The following ANXA8 variants were observed in gnomAD, a reference collection of about 807,000 sequenced individuals.
The protein encoded by ANXA8 is VAC-beta.
ANXA8 carries 9 observed loss-of-function variants against 26.8 expected under a neutral mutation model. That is an observed-to-expected ratio of 0.34 (90% CI 0.20 to 0.59). ANXA8 has a LOEUF of 0.59. Among genes scored for constraint, ANXA8 ranks in the 20% least tolerant of loss-of-function variants. The pLI, the probability that ANXA8 is intolerant of heterozygous loss-of-function variation, is 0.84. For missense variants in ANXA8, 83 were observed against 238.5 expected (o/e 0.35, Z 4.29); for synonymous variants, 39 against 94.8 (o/e 0.41, Z 3.42).
chr10:47,715,894 T>C, the ANXA8 span: 1 of 717,972 alleles, frequency 1.4e-6, no homozygotes, highest in Non-Finnish European at 2.3e-6. Context: ...GCTATTTTTA[T>C]TTCTTTTGAA....
At chr10:47,645,912 T>C in the ANXA8 span, among the ~76,000 whole-genome samples, 7 of 149,702 alleles carry the variant, frequency 4.7e-5, no homozygotes, top group South Asian at 1.5e-3. Flanking sequence ...CTCAGACTTT[T>C]GGGCTTAGGT....
the ANXA8 span, among the ~76,000 whole-genome samples, chr10:47,547,316 C>G: frequency 7.1e-6 from 1 of 140,402 alleles, no homozygotes; most frequent in African/African-American, 2.6e-5. Flanking sequence ...ACTGATTATA[C>G]ACCTTCAAGA....
At chr10:47,955,899 C>T in the ANXA8 span, 1 of 135,784 alleles carries the variant, frequency 7.4e-6, no homozygotes, top group Non-Finnish European at 1.5e-5. Flanking sequence ...GCTTAAGACA[C>T]ACGTTGTATA....
At chr10:47,952,849 C>T in the ANXA8 span, among the ~76,000 whole-genome samples, 3 of 148,992 alleles carry the variant, frequency 2.0e-5, no homozygotes, top group Admixed American at 1.3e-4. Context: ...ATGTTGATTC[C>T]TAACAAAGTT....
the ANXA8 span, among the ~76,000 whole-genome samples, chr10:47,958,795 C>G: frequency 6.0e-5 from 9 of 149,152 alleles, no homozygotes; most frequent in Non-Finnish European, 8.9e-5. Flanking sequence ...TGAGTGTTAG[C>G]AGGAGAAATG....
the ANXA8 span, among the ~76,000 whole-genome samples, chr10:47,960,032 G>T: frequency 6.8e-6 from 1 of 147,960 alleles, no homozygotes; most frequent in Non-Finnish European, 1.5e-5. Flanking sequence ...TCGGGCCTTT[G>T]GATGACTCAG....
chr10:47,704,348 C>A, the ANXA8 span, among the ~76,000 whole-genome samples: 1 of 142,330 alleles, frequency 7.0e-6, no homozygotes, highest in South Asian at 2.3e-4. Flanking sequence ...ACAAAGAAAG[C>A]TTTTGATAAA....
At chr10:47,487,217 T>A, upstream of ANXA8, 1 of 1,010,924 alleles carries the variant, frequency 9.9e-7, no homozygotes, top group South Asian at 1.6e-5. Context: ...CAGCGCTCAA[T>A]GTACACATGT....
chr10:47,720,414 T>C, the ANXA8 span, among the ~76,000 whole-genome samples: 5 of 147,034 alleles, frequency 3.4e-5, no homozygotes, highest in South Asian at 2.1e-4. Flanking sequence ...GCTAAAAGTA[T>C]CATATGATGT....
At chr10:47,733,186 TTTC>T in the ANXA8 span, among the ~76,000 whole-genome samples, 1 of 113,738 alleles carries the variant, frequency 8.8e-6, no homozygotes, top group Non-Finnish European at 2.0e-5. Flanking sequence ...TCTTTCTTTC[TTTC>T]TTTCTTTCTT....
the ANXA8 span, among the ~76,000 whole-genome samples, chr10:47,942,837 G>A: frequency 2.1e-5 from 3 of 145,726 alleles, no homozygotes; most frequent in African/African-American, 8.0e-5. Context: ...TGCTAAGGCA[G>A]AGGGAGCCTT....
the ANXA8 span, among the ~76,000 whole-genome samples, chr10:47,596,505 A>T: frequency 6.8e-6 from 1 of 147,574 alleles, no homozygotes; most frequent in African/African-American, 2.6e-5. Flanking sequence ...GGTTCTTTGA[A>T]AGTGTAACCA....
the ANXA8 span, among the ~76,000 whole-genome samples, chr10:47,654,260 A>C: frequency 6.8e-6 from 1 of 146,050 alleles, no homozygotes; most frequent in Non-Finnish European, 1.5e-5. Context: ...TAGTTTTCTG[A>C]AAGTTTTACT....
chr10:47,488,847 C>T (rs1416431526), upstream of ANXA8, among the ~76,000 whole-genome samples: 1 of 145,038 alleles, frequency 6.9e-6, no homozygotes, highest in African/African-American at 2.6e-5. Flanking sequence ...CCTGCCTCAG[C>T]CTCCCGAGTA....
the ANXA8 span, among the ~76,000 whole-genome samples, chr10:47,695,692 C>T: frequency 3.4e-4 from 52 of 151,818 alleles, no homozygotes; most frequent in African/African-American, 8.0e-4. Flanking sequence ...TGTTAATATA[C>T]GTTTATACCT....
chr10:47,481,790 G>A (rs1485003680), intron 1 of ANXA8, among the ~76,000 whole-genome samples: 8,617 of 90,602 alleles, frequency 0.095, no homozygotes, highest in Admixed American at 0.12. Flanking sequence ...GTGGAGTCCT[G>A]GAGCTCCAGA....
intron 11 of ANXA8, among the ~76,000 whole-genome samples, chr10:47,469,356 G>T (rs1336202934): frequency 1.3e-5 from 2 of 151,912 alleles, no homozygotes. Flanking sequence ...CTGGACCATC[G>T]CACCCTGACG....
At chr10:47,504,880 A>C in the ANXA8 span, among the ~76,000 whole-genome samples, 1 of 122,170 alleles carries the variant, frequency 8.2e-6, no homozygotes, top group Admixed American at 9.6e-5. Flanking sequence ...TTTTGAGACC[A>C]AGTTTTACTC....
the ANXA8 span, among the ~76,000 whole-genome samples, chr10:47,946,976 C>T: frequency 6.6e-6 from 1 of 150,454 alleles, no homozygotes; most frequent in East Asian, 2.1e-4. Context: ...CGGGCATGAG[C>T]CACCGAGCCT....
Sources: gnomAD v4.1 joint callset for allele counts (sites outside exome capture counted in the v4.1 genomes callset) on GRCh38, gnomAD v4.1.1 for gene constraint, MANE v1.5 for transcripts, NCBI Gene and HGNC (gene_info 2026-07-23, HGNC 2026-07-21) for gene names.